The following IQCH variants were observed in gnomAD, a reference collection of about 807,000 sequenced individuals.
The protein encoded by IQCH is IQ domain-containing protein H.
Under a neutral mutation model 117.0 loss-of-function variants are expected in IQCH, and 98 were observed. The observed-to-expected ratio is 0.84, with a 90% CI of 0.71 to 0.99. The LOEUF is 0.99. Ranked by LOEUF, IQCH falls within the 50% of genes least tolerant of loss-of-function variation. The pLI is 0.00. For missense variants in IQCH, 1,102 were observed against 1,243.8 expected, an observed-to-expected ratio of 0.89 and a Z score of 1.72; for synonymous variants, 412 against 448.2, an observed-to-expected ratio of 0.92 and a Z score of 1.02.
intron 16 of IQCH, among the ~76,000 whole-genome samples, chr15:67,450,127 G>T (rs2082485990): frequency 6.6e-6 from 1 of 152,206 alleles, no homozygotes; most frequent in Non-Finnish European, 1.5e-5. Flanking sequence ...TTTGGGCTGA[G>T]ATGAAGGGGT....
chr15:67,448,559 A>G (rs1251283772), intron 16 of IQCH, among the ~76,000 whole-genome samples: 2 of 151,928 alleles, frequency 1.3e-5, no homozygotes, highest in African/African-American at 4.8e-5. Context: ...TGAACTCATC[A>G]TTTTTTATGG....
chr15:67,469,294 G>A (rs897674717), intron 17 of IQCH, among the ~76,000 whole-genome samples: 4 of 152,076 alleles, frequency 2.6e-5, no homozygotes, highest in African/African-American at 9.7e-5. Context: ...AAATAAAGGA[G>A]GGCTACATGA....
Position 67,369,653 on chromosome 15 carries a change from A to G in IQCH, c.754-2458A>G, listed in dbSNP as rs748175422. ...AATAATAGTAGATAAGTTCACAGAG[A>G]TAATAAAGAATAACAGAATGAGCCA... On this transcript the variant is annotated intron_variant, in intron 8 of 20. Coordinates refer to ENST00000335894, the MANE Select transcript of IQCH (RefSeq NM_001031715.3). The surrounding 1 kb of genome is among the most constrained non-coding windows in gnomAD (Gnocchi z 5.2). Among the ~76,000 whole-genome samples the G allele has an allele frequency of 5.3e-5, 8 of 151,250 alleles. No individual in the cohort carries two copies. Among genetic ancestry groups the G allele is most frequent in the African/African-American group, 7.4e-5 (3 of 40,526 alleles).
intron 6 of IQCH, among the ~76,000 whole-genome samples, chr15:67,351,149 T>A (rs1217612901): frequency 6.6e-6 from 1 of 152,202 alleles, no homozygotes; most frequent in East Asian, 1.9e-4. Flanking sequence ...GGTATTTATG[T>A]GCCATGGTGG....
intron 12 of IQCH, among the ~76,000 whole-genome samples, chr15:67,394,171 C>T (rs184158960): frequency 1.3e-3 from 192 of 152,262 alleles, no homozygotes; most frequent in African/African-American, 4.1e-3. Flanking sequence ...AATGTCTTTC[C>T]CATGCCCATC....
rs2082267147 is a variant in IQCH, at chr15:67,441,334, G to A, written c.2505+19757G>A. On this transcript the variant is annotated intron_variant, in intron 16 of 20. Coordinates refer to ENST00000335894, the MANE Select transcript of IQCH (RefSeq NM_001031715.3). ...GCCAAAAGCAATCTACAAATTCAAT[G>A]CAATCCCCATCAAAATACCACCATC... Among the ~76,000 whole-genome samples, 9 of 152,060 alleles carry A rather than the reference G, an allele frequency of 5.9e-5. 2 individuals carry two copies. The South Asian group carries it at 1.9e-3, about 32-fold the overall frequency.
At chr15:67,477,351 A>T (rs2083231055) in intron 18 of IQCH, among the ~76,000 whole-genome samples, 1 of 151,686 alleles carries the variant, frequency 6.6e-6, no homozygotes, top group South Asian at 2.1e-4. Flanking sequence ...CCAGCCCCAA[A>T]TTTTATACGT....
In IQCH at chr15:67,476,065, C is replaced by T. The variant is rs1014613855; in HGVS notation, c.2799+247C>T. On this transcript the variant is annotated intron_variant, in intron 18 of 20. Transcript: ENST00000335894. The surrounding 1 kb of genome is among the most constrained non-coding windows in gnomAD (Gnocchi z 4.1). ...CCACTTTGCTAAAGCAGAAGCCATG[C>T]AAGCTCTCCAGACTTAGGAGGCATT... Among the ~76,000 whole-genome samples the T allele has an allele frequency of 6.6e-6, 1 of 152,246 alleles. No homozygotes were observed. The highest frequency in any genetic ancestry group is 1.5e-5 in the Non-Finnish European group (1 of 68,042).
At chr15:67,486,285 G>A (rs375073115) in intron 18 of IQCH, among the ~76,000 whole-genome samples, 38 of 151,712 alleles carry the variant, frequency 2.5e-4, no homozygotes, top group East Asian at 1.6e-3. Context: ...TGATCCGCCC[G>A]CCTCGGCCTC....
intron 18 of IQCH, among the ~76,000 whole-genome samples, chr15:67,484,389 G>C (rs978865341): frequency 6.6e-6 from 1 of 151,406 alleles, no homozygotes; most frequent in Non-Finnish European, 1.5e-5. Context: ...CTGGGCAACA[G>C]AGTGAGACCC....
intron 16 of IQCH, among the ~76,000 whole-genome samples, chr15:67,434,649 G>A (rs1419528558): frequency 2.0e-5 from 3 of 152,160 alleles, no homozygotes; most frequent in Non-Finnish European, 4.4e-5. Context: ...TGGTAGTTCT[G>A]TGTTTAAGTT....
chr15:67,442,844 A>ATAGAT (rs1395960034), intron 16 of IQCH, among the ~76,000 whole-genome samples: 1 of 144,104 alleles, frequency 6.9e-6, no homozygotes, highest in African/African-American at 2.6e-5. Flanking sequence ...AGATAGATAG[A>ATAGAT]TAGATAGATA....
At chr15:67,418,534 C>CAA (rs1314962618) in intron 15 of IQCH, among the ~76,000 whole-genome samples, 1 of 149,982 alleles carries the variant, frequency 6.7e-6, no homozygotes. Context: ...CACACACACA[C>CAA]ACACACACAC....
intron 16 of IQCH, among the ~76,000 whole-genome samples, chr15:67,452,919 CATTT>C (rs1433417513): frequency 1.3e-5 from 2 of 152,158 alleles, no homozygotes; most frequent in Non-Finnish European, 2.9e-5. Context: ...AGGCTTTGTT[CATTT>C]CTTTTTATTC....
rs1051809400 is a variant in IQCH at position 67,406,719 on chromosome 15, G to A, written c.2097+6414G>A. ...GGGGTTCCATAGCCAGGGACACCTAGGTTAGACTCCCATGCTCCCTGGGGG... is the reference window on the plus strand; with the variant it reads ...GGGGTTCCATAGCCAGGGACACCTAAGTTAGACTCCCATGCTCCCTGGGGG... On this transcript the variant is annotated intron_variant, in intron 14 of 20. Coordinates refer to ENST00000335894, the MANE Select transcript of IQCH (RefSeq NM_001031715.3). This position sits in a 1 kb window ranked among gnomAD's most constrained non-coding sequence, Gnocchi z 4.5. 2 of 152,144 alleles carry A rather than the reference G, an allele frequency of 1.3e-5. No individual in the cohort carries two copies. The highest frequency in any genetic ancestry group is 2.9e-5 in the Non-Finnish European group (2 of 68,046). The allele number at this position is 152,144 out of a possible 1,614,324, so 9.4% of individuals were successfully genotyped here.
chr15:67,496,966 C>T lies in IQCH; in HGVS notation c.2970+2600C>T, dbSNP rs1294773072. Among the ~76,000 whole-genome samples, 3 of 139,000 alleles carry T rather than the reference C, an allele frequency of 2.2e-5. No individual in the cohort carries two copies. The highest frequency in any genetic ancestry group is 4.5e-5 in the Non-Finnish European group (3 of 66,230). The allele number at this position is 139,000 out of a possible 152,430, so 91.2% of individuals were successfully genotyped here. On this transcript the variant is annotated intron_variant, in intron 20 of 20. Transcript: ENST00000335894. The surrounding 1 kb of genome is among the most constrained non-coding windows in gnomAD (Gnocchi z 4.4). ...CCGGGAAGCGGAGCTTGCAGTGAGC[C>T]GAGATTGCGCCACTGCAGTCCGCAG...
At chr15:67,324,107 C>G (rs1968281918) in intron 4 of IQCH, among the ~76,000 whole-genome samples, 1 of 151,496 alleles carries the variant, frequency 6.6e-6, no homozygotes, top group Non-Finnish European at 1.5e-5. Flanking sequence ...CCAGGCCTGG[C>G]TAATTTTTGT....
rs377410351 is a variant in IQCH at position 67,342,095 on chromosome 15, A to C, written c.509-1968A>C. Among the ~76,000 whole-genome samples the C allele has an allele frequency of 6.6e-6, 1 of 151,436 alleles. No homozygotes were observed. The highest frequency in any genetic ancestry group is 1.5e-5 in the Non-Finnish European group (1 of 67,912). On this transcript the variant is annotated intron_variant, in intron 5 of 20. Transcript: ENST00000335894. The surrounding 1 kb of genome is among the most constrained non-coding windows in gnomAD (Gnocchi z 4.7). The stretch of plus-strand genomic sequence containing the variant: ...AGACTAGCCTGGACAATATAGCAAG[A>C]CCTAGTCTCTACATTAAAAAAAAAA...
At chr15:67,312,757 A>G (rs1967661019) in intron 4 of IQCH, among the ~76,000 whole-genome samples, 1 of 152,178 alleles carries the variant, frequency 6.6e-6, no homozygotes, top group African/African-American at 2.4e-5. Flanking sequence ...TTCAGCAAGT[A>G]GTGTGATAGC....
Sources: allele counts gnomAD v4.1 joint callset (sites outside exome capture counted in the v4.1 genomes callset), GRCh38; gene constraint gnomAD v4.1.1; non-coding constraint Gnocchi (gnomAD v3.1); transcripts MANE v1.5; gene names NCBI Gene and HGNC (gene_info 2026-07-23, HGNC 2026-07-21).